COL3A1: variants seen among roughly 807,000 people sequenced by gnomAD.
COL3A1 encodes the protein collagen alpha-1(III) chain.
COL3A1 carries 46 observed loss-of-function variants against 200.9 expected under a neutral mutation model. That is an observed-to-expected ratio of 0.23 (90% confidence interval 0.18 to 0.29). The LOEUF (loss-of-function observed/expected upper bound fraction) is 0.29, where lower values mean the gene tolerates loss of function less well. COL3A1 is among the 10% of genes least tolerant of loss of function. COL3A1 has a pLI of 1.00. For missense variants in COL3A1, 1,367 were observed against 1,917.6 expected (o/e 0.71, Z 5.36); for synonymous variants, 650 against 628.0 (o/e 1.03, Z -0.52).
intron 16 of COL3A1, 85 bp from the exon 17 acceptor site, chr2:188,993,953 A>G: frequency 7.9e-7 from 1 of 1,262,594 alleles, no homozygotes; most frequent in Admixed American, 1.8e-5. Context: ...ACTCATCGAT[A>G]CATTTATTTT....
At chr2:189,002,263 T>C in intron 34 of COL3A1, 35 bp from the exon 35 acceptor site, 1 of 1,575,128 alleles carries the variant, frequency 6.3e-7, no homozygotes. Context: ...TGACGCACAC[T>C]TCACTGTGAC....
At chr2:188,985,067 A>G in intron 2 of COL3A1, 105 bp downstream of exon 2, 1 of 1,401,658 alleles carries the variant, frequency 7.1e-7, no homozygotes, top group African/African-American at 1.4e-5. Context: ...TGTTCATCAA[A>G]TAGCCATGTT....
chr2:188,993,091 A>C (rs1688222583), intron 15 of COL3A1, 151 bp downstream of exon 15: 4 of 773,746 alleles, frequency 5.2e-6, no homozygotes, highest in Non-Finnish European at 8.7e-6. Flanking sequence ...ATTCTAAAAG[A>C]GGTGTTGTCC....
intron 1 of COL3A1, 148 bp downstream of exon 1, chr2:188,974,716 C>A: frequency 1.4e-6 from 1 of 690,990 alleles, no homozygotes; most frequent in Non-Finnish European, 2.6e-6. Flanking sequence ...CTGACCATGG[C>A]TGTGCTTTTT....
In COL3A1 at chr2:188,988,529, T is replaced by C. The variant is rs751697157; in HGVS notation, c.583-61T>C. ...CAATCCTGATTTCTTACTGTCAAGA[T>C]GTAAATGAATTATATGAAGATTTTG... is the stretch of plus-strand genomic sequence containing the variant. On this transcript the variant is annotated intron_variant, in intron 6 of 50. Transcript: ENST00000304636. 7.7e-5 allele frequency: 90 copies of C among 1,168,502 alleles called. 1 individual carries two copies. The highest frequency in any genetic ancestry group is 7.1e-4 in the Middle Eastern group (3 of 4,222). The allele number at this position is 1,168,502 out of a possible 1,614,324, so 72.4% of individuals were successfully genotyped here.
At chr2:189,007,729 T>C (rs1431922851) in intron 45 of COL3A1, 122 bp downstream of exon 45, 4 of 1,249,400 alleles carry the variant, frequency 3.2e-6, no homozygotes, top group Non-Finnish European at 4.6e-6. Context: ...ATTTGAAGGC[T>C]AATTTGAAAC....
intron 13 of COL3A1, 33 bp downstream of exon 13, chr2:188,991,755 A>T: frequency 6.2e-7 from 1 of 1,610,428 alleles, no homozygotes; most frequent in Non-Finnish European, 8.5e-7. Flanking sequence ...CACAATTACA[A>T]CCCAAAGTGA....
In COL3A1 at chr2:188,999,402, A is replaced by G. The variant is rs769607073; in HGVS notation, c.2121+19A>G. The stretch of plus-strand genomic sequence containing the variant: ...AGGAAAGGTAACTCCACAGCATTCC[A>G]TTCACCTAGGTTTAAAAAATGCATT... On this transcript the variant is annotated intron_variant, in intron 30 of 50. Transcript: ENST00000304636. 6.2e-7 allele frequency: 1 copy of G among 1,613,584 alleles called. No individual in the cohort carries two copies.
At chr2:188,986,499 A>T (rs1053501982) in intron 4 of COL3A1, among the ~76,000 whole-genome samples, 4 of 152,046 alleles carry the variant, frequency 2.6e-5, no homozygotes, top group Non-Finnish European at 4.4e-5. Flanking sequence ...CTTAGAATTT[A>T]AAAAAAGCTT....
At position 188,999,881 on chromosome 2, in the gene COL3A1, A is replaced by G; in HGVS notation, c.2269A>G (p.Lys757Glu). 6.3e-7 allele frequency: 1 copy of G among 1,592,960 alleles called. No homozygotes were observed. The highest frequency in any genetic ancestry group is 8.5e-7 in the Non-Finnish European group (1 of 1,170,784). Residue 757 changes from lysine to glutamate, a missense_variant, in exon 32 of 51, where the codon AAA (lysine) becomes GAA (glutamate). By Grantham distance (56) the Lys-to-Glu change is moderately conservative (BLOSUM62 1). Coordinates refer to ENST00000304636, the MANE Select transcript of COL3A1 (RefSeq NM_000090.4). ...GGPGADGVPG[K>E]DGPRGPTGPI... ...TCCAGGTGCTGATGGTGTCCCAGGG[A>G]AAGATGGCCCAAGGGTGAGTATTCC... is the stretch of plus-strand genomic sequence containing the variant.
In COL3A1 at chr2:189,008,008, C is replaced by T. The variant is rs533114805; in HGVS notation, c.3418-27C>T. The T allele has an allele frequency of 1.9e-5, 30 of 1,613,608 alleles. No homozygotes were observed. The African/African-American group carries it at 2.1e-4, about 11-fold the overall frequency. On this transcript the variant is annotated intron_variant, in intron 46 of 50. Transcript: ENST00000304636. ...TCTGCATTTCAGAAAGATATTCTGG[C>T]ATTGTGATGTCATGATACTTTCTTA... is the stretch of plus-strand genomic sequence containing the variant.
rs1266948665 is a variant in COL3A1 at position 189,002,822 on chromosome 2, A to C, written c.2446-133A>C. On this transcript the variant is annotated intron_variant, in intron 35 of 50. Coordinates refer to ENST00000304636, the MANE Select transcript of COL3A1 (RefSeq NM_000090.4). ...ATTGGCTTCATTTTGTCATGTCTTC[A>C]GAAAGCCTTGTTTTTAAATTTTATT... 5.3e-6 allele frequency: 4 copies of C among 751,658 alleles called. No individual in the cohort carries two copies. In the East Asian group the frequency reaches 1.1e-4, roughly 20 times the overall value. 46.6% of individuals were successfully genotyped at this position (751,658 alleles called of 1,614,324 possible).
intron 37 of COL3A1, 83 bp from the exon 38 acceptor site, chr2:189,003,651 T>A: frequency 6.8e-7 from 1 of 1,480,178 alleles, no homozygotes; most frequent in Non-Finnish European, 9.4e-7. Flanking sequence ...ACAATGCAGA[T>A]CATGCCACAC....
Position 188,994,909 on chromosome 2 carries a change from C to G in COL3A1, c.1455+78C>G. The stretch of plus-strand genomic sequence containing the variant: ...TAAAACTACCTTCAGGGTGAGACAG[C>G]CAATTTTTCTTAAGTTGAGTGTTCA... On this transcript the variant is annotated intron_variant, in intron 20 of 50. Transcript: ENST00000304636. This position sits in a 1 kb window ranked among gnomAD's most constrained non-coding sequence, Gnocchi z 4.5. 2 of 1,566,886 alleles carry G rather than the reference C, an allele frequency of 1.3e-6. No individual in the cohort carries two copies. The highest frequency in any genetic ancestry group is 1.8e-6 in the Non-Finnish European group (2 of 1,138,210).
intron 13 of COL3A1, 83 bp downstream of exon 13, chr2:188,991,805 A>G: frequency 7.0e-7 from 1 of 1,430,486 alleles, no homozygotes; most frequent in African/African-American, 1.4e-5. Context: ...GGCTGTAAAA[A>G]TATGTTAGGA....
At chr2:188,990,628 GT>G (rs1688168179) in intron 10 of COL3A1, among the ~76,000 whole-genome samples, 1 of 152,060 alleles carries the variant, frequency 6.6e-6, no homozygotes, top group Non-Finnish European at 1.5e-5. Flanking sequence ...TGTGAATTAT[GT>G]TTTTTATTGA....
chr2:189,009,434 T>C (rs545017583), intron 48 of COL3A1, among the ~76,000 whole-genome samples: 1 of 152,282 alleles, frequency 6.6e-6, no homozygotes, highest in East Asian at 1.9e-4. Context: ...CAGAAAAATA[T>C]AAAGACATTT....
At chr2:188,983,133 G>T (rs1191280897) in intron 1 of COL3A1, among the ~76,000 whole-genome samples, 3 of 151,940 alleles carry the variant, frequency 2.0e-5, no homozygotes, top group African/African-American at 7.2e-5. Context: ...CTTAGGAAAT[G>T]TATATAGAAA....
At position 189,003,039 on chromosome 2, in the gene COL3A1, C is replaced by T. The variant is rs780490668; in HGVS notation, c.2530C>T (p.Pro844Ser). The T allele has an allele frequency of 1.3e-6, 2 of 1,551,286 alleles. No homozygotes were observed. Among genetic ancestry groups the T allele is most frequent in the East Asian group, 2.4e-5 (1 of 40,894 alleles). Residue 844 changes from proline (P) to serine (S), a missense_variant, in exon 36 of 51, where the codon CCC becomes TCC. By Grantham distance (74) the Pro-to-Ser change is moderately conservative. Transcript: ENST00000304636. ...GEGGPPGVAG[P>S]PGGSGPAGPP... ...AGGAGGCCCTCCTGGAGTTGCAGGA[C>T]CCCCTGGAGGTTCTGGACCTGCTGT...
Sources: allele counts gnomAD v4.1 joint callset (sites outside exome capture counted in the v4.1 genomes callset), GRCh38; gene constraint gnomAD v4.1.1; non-coding constraint Gnocchi (gnomAD v3.1); transcripts MANE v1.5; gene names NCBI Gene and HGNC (gene_info 2026-07-23, HGNC 2026-07-21).